Variants in ENTREP2 observed in about 807,000 individuals in gnomAD.
The protein encoded by ENTREP2 is protein ENTREP2.
chr15:29,193,555 A>G, the ENTREP2 span, among the ~76,000 whole-genome samples: 3 of 151,844 alleles, frequency 2.0e-5, no homozygotes, highest in African/African-American at 7.3e-5. Context: ...ACTGAGCCAA[A>G]CTCCCAGCTT....
the ENTREP2 span, among the ~76,000 whole-genome samples, chr15:29,630,450 G>C: frequency 8.5e-5 from 13 of 152,188 alleles, no homozygotes; most frequent in Middle Eastern, 3.4e-3. Flanking sequence ...AATGTATCTT[G>C]ATGTGGATTC....
At chr15:29,473,831 A>C in the ENTREP2 span, among the ~76,000 whole-genome samples, 1 of 152,184 alleles carries the variant, frequency 6.6e-6, no homozygotes, top group East Asian at 1.9e-4. Context: ...CCCGGGCTGA[A>C]TGCTGCTGCT....
chr15:29,310,990 G>A, the ENTREP2 span, among the ~76,000 whole-genome samples: 3 of 150,208 alleles, frequency 2.0e-5, no homozygotes, highest in African/African-American at 4.9e-5. Flanking sequence ...ATAATGGCAT[G>A]GGGGAAGGTG....
chr15:29,207,235 T>C, the ENTREP2 span, among the ~76,000 whole-genome samples: 1 of 152,144 alleles, frequency 6.6e-6, no homozygotes, highest in Admixed American at 6.5e-5. Flanking sequence ...ACACTAGGCG[T>C]GGAAGCATTT....
At chr15:29,134,595 T>A in the ENTREP2 span, among the ~76,000 whole-genome samples, 554 of 152,286 alleles carry the variant, frequency 3.6e-3, 2 homozygotes, top group Non-Finnish European at 6.1e-3. Flanking sequence ...GCTGTCCATA[T>A]ATGACTCCAC....
chr15:29,145,591 C>T, the ENTREP2 span, among the ~76,000 whole-genome samples: 1 of 136,438 alleles, frequency 7.3e-6, no homozygotes, highest in South Asian at 2.4e-4. Context: ...CCACTGCACT[C>T]CAGCCTGGGC....
the ENTREP2 span, among the ~76,000 whole-genome samples, chr15:29,290,641 T>C: frequency 4.2e-4 from 64 of 152,310 alleles, 1 homozygote; most frequent in Admixed American, 1.5e-3. Flanking sequence ...TCAGTACAAT[T>C]CTGTTAAAAG....
the ENTREP2 span, among the ~76,000 whole-genome samples, chr15:29,521,732 C>T: frequency 2.0e-5 from 3 of 152,160 alleles, no homozygotes; most frequent in Admixed American, 6.5e-5. Context: ...CAGCACTGCA[C>T]GCACAGGGGA....
At chr15:29,556,575 T>C in the ENTREP2 span, among the ~76,000 whole-genome samples, 2 of 152,174 alleles carry the variant, frequency 1.3e-5, no homozygotes, top group African/African-American at 2.4e-5. Flanking sequence ...TTGCCAAGAA[T>C]AATAAAAACA....
At chr15:29,559,586 G>C in the ENTREP2 span, among the ~76,000 whole-genome samples, 1 of 152,084 alleles carries the variant, frequency 6.6e-6, no homozygotes. Context: ...CTCCAGGAGA[G>C]AATCTGCTTC....
chr15:29,157,725 C>T, the ENTREP2 span, among the ~76,000 whole-genome samples: 1 of 127,698 alleles, frequency 7.8e-6, no homozygotes, highest in South Asian at 2.7e-4. Context: ...ACTAAAATAG[C>T]GACATCTTTT....
chr15:29,413,904 G>T, the ENTREP2 span, among the ~76,000 whole-genome samples: 1 of 152,116 alleles, frequency 6.6e-6, no homozygotes, highest in African/African-American at 2.4e-5. Context: ...GACAAAGAAG[G>T]TCATTACATA....
the ENTREP2 span, among the ~76,000 whole-genome samples, chr15:29,351,784 C>T: frequency 1.3e-5 from 2 of 152,012 alleles, no homozygotes; most frequent in East Asian, 3.9e-4. Context: ...GCTGGCACTA[C>T]AGGCACATGC....
chr15:29,555,387 G>C, the ENTREP2 span, among the ~76,000 whole-genome samples: 1 of 152,162 alleles, frequency 6.6e-6, no homozygotes, highest in Non-Finnish European at 1.5e-5. Flanking sequence ...GACCGGACAA[G>C]GTTGGTTTTC....
the ENTREP2 span, among the ~76,000 whole-genome samples, chr15:29,366,660 T>C: frequency 2.6e-5 from 4 of 152,224 alleles, no homozygotes; most frequent in Non-Finnish European, 4.4e-5. Flanking sequence ...AATGGAATCA[T>C]ACAGTATGCA....
chr15:29,633,807 G>A, the ENTREP2 span, among the ~76,000 whole-genome samples: 1 of 152,004 alleles, frequency 6.6e-6, no homozygotes, highest in Non-Finnish European at 1.5e-5. Context: ...AAAAATACAA[G>A]AATTCACTGG....
chr15:29,277,027 A>C, the ENTREP2 span, among the ~76,000 whole-genome samples: 1 of 152,198 alleles, frequency 6.6e-6, no homozygotes, highest in African/African-American at 2.4e-5. Context: ...ACAAATTATG[A>C]AGAACTGTAC....
the ENTREP2 span, among the ~76,000 whole-genome samples, chr15:29,295,357 C>T: frequency 1.4e-3 from 217 of 152,290 alleles, no homozygotes; most frequent in African/African-American, 4.9e-3. Context: ...CCCACCTGGT[C>T]ACTCCCAGGA....
the ENTREP2 span, among the ~76,000 whole-genome samples, chr15:29,536,931 C>T: frequency 6.6e-6 from 1 of 152,074 alleles, no homozygotes; most frequent in Non-Finnish European, 1.5e-5. Flanking sequence ...ATCTATCTAC[C>T]TGGAGTCTCA....
Sources: gnomAD v4.1 joint callset for allele counts (sites outside exome capture counted in the v4.1 genomes callset) on GRCh38, gnomAD v4.1.1 for gene constraint, MANE v1.5 for transcripts, NCBI Gene and HGNC (gene_info 2026-07-23, HGNC 2026-07-21) for gene names.